The following CDH7 variants were observed in gnomAD, a reference collection of about 807,000 sequenced individuals.
The protein encoded by CDH7 is cadherin-7.
CDH7 carries 25 observed loss-of-function variants against 71.8 expected under a neutral mutation model. The observed-to-expected ratio is 0.35, with a 90% CI of 0.25 to 0.49. The LOEUF is 0.49. Ranked by LOEUF, CDH7 falls within the 20% of genes least tolerant of loss-of-function variation. The pLI is 0.99. For synonymous variants in CDH7, 381 were observed against 363.8 expected, an observed-to-expected ratio of 1.05 and a Z score of -0.54; for missense variants, 862 against 974.6, an observed-to-expected ratio of 0.88 and a Z score of 1.54.
intron 11 of CDH7, among the ~76,000 whole-genome samples, chr18:65,864,331 C>T (rs1363184497): frequency 6.6e-6 from 1 of 151,818 alleles, no homozygotes; most frequent in African/African-American, 2.4e-5. Context: ...TGTGGCCCGA[C>T]ACAAATTCTT....
At chr18:65,785,720 G>A (rs1910489507) in intron 2 of CDH7, among the ~76,000 whole-genome samples, 1 of 151,792 alleles carries the variant, frequency 6.6e-6, no homozygotes, top group Admixed American at 6.6e-5. Context: ...CATTATGGAG[G>A]GAGTATTAAT....
intron 2 of CDH7, among the ~76,000 whole-genome samples, chr18:65,792,011 T>A (rs1463994239): frequency 6.6e-6 from 1 of 152,170 alleles, no homozygotes; most frequent in Admixed American, 6.5e-5. Flanking sequence ...GCTAATGTGT[T>A]TATACTGTAC....
At chr18:65,836,818 T>C (rs1912547629) in intron 6 of CDH7, among the ~76,000 whole-genome samples, 1 of 152,180 alleles carries the variant, frequency 6.6e-6, no homozygotes. Flanking sequence ...GCCTTAGATA[T>C]TTTTTCTTTG....
intron 7 of CDH7, among the ~76,000 whole-genome samples, chr18:65,850,595 A>G (rs865978355): frequency 4.0e-5 from 5 of 125,156 alleles, no homozygotes; most frequent in Non-Finnish European, 8.6e-5. Flanking sequence ...TATTATTATT[A>G]TTATTATTAT....
At chr18:65,822,602 T>G (rs1009065360) in intron 5 of CDH7, among the ~76,000 whole-genome samples, 1 of 152,084 alleles carries the variant, frequency 6.6e-6, no homozygotes, top group Admixed American at 6.6e-5. Flanking sequence ...TTGTTGCCAA[T>G]TAATAATATT....
chr18:65,811,057 A>G (rs1206995379), intron 3 of CDH7, among the ~76,000 whole-genome samples: 1 of 152,126 alleles, frequency 6.6e-6, no homozygotes, highest in East Asian at 1.9e-4. Flanking sequence ...ATACAAAGTT[A>G]TTAGACTGGA....
intron 7 of CDH7, among the ~76,000 whole-genome samples, chr18:65,850,646 T>G (rs912144989): frequency 3.3e-5 from 5 of 151,592 alleles, no homozygotes; most frequent in Non-Finnish European, 7.4e-5. Context: ...GGCCGTCTCT[T>G]CTCCAAAACA....
chr18:65,871,195 T>A (rs951157837), intron 11 of CDH7, among the ~76,000 whole-genome samples: 1 of 152,214 alleles, frequency 6.6e-6, no homozygotes, highest in Non-Finnish European at 1.5e-5. Flanking sequence ...AACTGAATCA[T>A]ATGAATTTAT....
intron 11 of CDH7, among the ~76,000 whole-genome samples, chr18:65,864,823 G>A (rs182293788): frequency 8.0e-5 from 12 of 150,428 alleles, no homozygotes; most frequent in East Asian, 2.0e-4. Flanking sequence ...CCCAGGAGGC[G>A]GAGCTGGCAG....
chr18:65,779,324 C>G (rs1345741149), intron 2 of CDH7, among the ~76,000 whole-genome samples: 2 of 89,854 alleles, frequency 2.2e-5, no homozygotes, highest in African/African-American at 5.1e-5. Flanking sequence ...TTATTATACT[C>G]TAAGTTTTAG....
intron 11 of CDH7, among the ~76,000 whole-genome samples, chr18:65,867,850 G>A (rs1460372868): frequency 6.6e-6 from 1 of 152,152 alleles, no homozygotes; most frequent in African/African-American, 2.4e-5. Context: ...GTAGAAACTT[G>A]CTGTTTACTG....
intron 2 of CDH7, among the ~76,000 whole-genome samples, chr18:65,785,028 G>A (rs1233607405): frequency 1.3e-5 from 2 of 152,092 alleles, no homozygotes; most frequent in African/African-American, 2.4e-5. Context: ...GGTATCTGTG[G>A]CAACTGCAGT....
chr18:65,756,798 A>G (rs377471246), intron 1 of CDH7, among the ~76,000 whole-genome samples: 1 of 152,258 alleles, frequency 6.6e-6, no homozygotes, highest in African/African-American at 2.4e-5. Flanking sequence ...ATAGTTATAT[A>G]TCATAGCACA....
intron 4 of CDH7, among the ~76,000 whole-genome samples, chr18:65,815,745 G>C (rs80128029): frequency 0.016 from 2,442 of 152,276 alleles, 52 homozygotes; most frequent in African/African-American, 0.055. Flanking sequence ...TAAAGGAGAA[G>C]TAAATGAAAG....
intron 3 of CDH7, 123 bp from the exon 4 acceptor site, chr18:65,814,362 T>A: frequency 9.5e-7 from 1 of 1,057,880 alleles, no homozygotes. Context: ...TTTTTATGTG[T>A]CTTGAAAAAG....
intron 2 of CDH7, among the ~76,000 whole-genome samples, chr18:65,772,114 A>G (rs1165608004): frequency 6.6e-6 from 1 of 152,188 alleles, no homozygotes; most frequent in African/African-American, 2.4e-5. Flanking sequence ...AACTGAAAAC[A>G]CACAATCAAA....
chr18:65,853,920 T>TATATATATATATATCC (rs1913241738), intron 7 of CDH7, among the ~76,000 whole-genome samples: 9 of 70,572 alleles, frequency 1.3e-4, no homozygotes, highest in African/African-American at 6.8e-4. Flanking sequence ...TATATATATA[T>TATATATATATATATCC]ATATATATAT....
chr18:65,885,029 A>G lies in CDH7; in HGVS notation c.*4135A>G, dbSNP rs550424419. The G allele has an allele frequency of 7.2e-5, 11 of 152,320 alleles. 1 individual carries two copies. Among genetic ancestry groups the G allele is most frequent in the African/African-American group, 2.6e-4 (11 of 41,580 alleles). The allele number at this position is 152,320 out of a possible 1,614,324, so 9.4% of individuals were successfully genotyped here. A position where few individuals can be genotyped will look rare whatever the true frequency, so the allele number is the denominator to read the frequency against. ...TCTGTTAGTGTATGTTTATTTTTTA[A>G]TTATTAATAATGTATATTGTGTGTA... is the stretch of plus-strand genomic sequence containing the variant. On this transcript the variant is annotated 3_prime_UTR_variant, in exon 12 of 12. Transcript: ENST00000397968.
rs1012952981 is a variant in CDH7 at position 65,762,753 on chromosome 18, G to A, written c.-90G>A. 2.2e-5 allele frequency: 23 copies of A among 1,034,518 alleles called. No homozygotes were observed. The highest frequency in any genetic ancestry group is 2.8e-5 in the Non-Finnish European group (20 of 715,120). The allele number at this position is 1,034,518 out of a possible 1,614,324, so 64.1% of individuals were successfully genotyped here. A position where few individuals can be genotyped will look rare whatever the true frequency, so the allele number is the denominator to read the frequency against. ...CTGGACTCCCAGCTGACACCCTGCC[G>A]GAGGCAAGAGCTACTAAGCCAACTG... On this transcript the variant is annotated 5_prime_UTR_variant, in exon 2 of 12. Transcript: ENST00000397968.
Sources: gnomAD v4.1 joint callset for allele counts (sites outside exome capture counted in the v4.1 genomes callset) on GRCh38, gnomAD v4.1.1 for gene constraint, MANE v1.5 for transcripts, NCBI Gene and HGNC (gene_info 2026-07-23, HGNC 2026-07-21) for gene names.